Variants in NUP62 observed in about 807,000 individuals in gnomAD.
NUP62 encodes the protein nuclear pore glycoprotein p62.
For synonymous variants in NUP62, 305 were observed against 303.4 expected (o/e 1.01, Z -0.05); for missense variants, 647 against 689.4 (o/e 0.94, Z 0.69).
At chr19:49,914,346 G>C (rs1050227902) in intron 2 of NUP62, among the ~76,000 whole-genome samples, 3 of 152,168 alleles carry the variant, frequency 2.0e-5, no homozygotes, top group African/African-American at 7.2e-5. Context: ...GCATTTCCAG[G>C]GAAAGGAGGA....
At chr19:49,925,686 G>A (rs569102981) in intron 2 of NUP62, among the ~76,000 whole-genome samples, 76 of 152,280 alleles carry the variant, frequency 5.0e-4, no homozygotes, top group African/African-American at 1.8e-3. Flanking sequence ...GGAGCAGAAA[G>A]GGCATTAAGT....
intron 2 of NUP62, among the ~76,000 whole-genome samples, chr19:49,912,162 TCAC>T (rs956402304): frequency 1.4e-5 from 2 of 144,532 alleles, no homozygotes; most frequent in Non-Finnish European, 3.0e-5. Context: ...GCTTAACAGT[TCAC>T]CTTTTTTTTT....
intron 2 of NUP62, among the ~76,000 whole-genome samples, chr19:49,910,610 G>A (rs2075439220): frequency 2.0e-5 from 3 of 152,098 alleles, no homozygotes; most frequent in Admixed American, 1.3e-4. Flanking sequence ...TCCTTCACCT[G>A]TAGGTGTGGT....
Position 49,912,550 on chromosome 19 carries a change from T to C in NUP62, c.-77-2666A>G, listed in dbSNP as rs74763379. ...TCTATTCACAATGGTGAACCCATAC[T>C]GATCCAGCCCTGATCCACGCAGTTT... On this transcript the variant is annotated intron_variant, in intron 2 of 2. Coordinates refer to ENST00000352066, the MANE Select transcript of NUP62 (RefSeq NM_016553.5). Among the ~76,000 whole-genome samples the C allele has an allele frequency of 1.3e-3, 193 of 152,228 alleles. 1 individual carries two copies. Among genetic ancestry groups the C allele is most frequent in the African/African-American group, 4.4e-3 (184 of 41,552 alleles).
intron 2 of NUP62, among the ~76,000 whole-genome samples, chr19:49,916,798 G>A (rs952749111): frequency 1.3e-5 from 2 of 152,152 alleles, no homozygotes; most frequent in Non-Finnish European, 2.9e-5. Context: ...CTGGCATGGT[G>A]GCGTGTGCCT....
chr19:49,908,993 G>A lies in NUP62; in HGVS notation c.815C>T (p.Ser272Phe). Reference sequence around the variant, plus strand: ...GGTGGCGGTGGCGGTGGCAGCGGTGGATGTTGTTGTGGAGGTGCCGGAAGC... The same window carrying A: ...GGTGGCGGTGGCGGTGGCAGCGGTGAATGTTGTTGTGGAGGTGCCGGAAGC... Reference protein sequence around the residue: ...GAASGTSTTTSTAATATATTT... With the variant: ...GAASGTSTTTFTAATATATTT... Residue 272 changes from serine (S) to phenylalanine (F), a missense_variant, in exon 3 of 3, where the codon TCC becomes TTC. Physicochemically the swap from Ser to Phe is radical, Grantham distance 155. Coordinates refer to ENST00000352066, the MANE Select transcript of NUP62 (RefSeq NM_016553.5). 1 of 1,611,356 alleles carries A rather than the reference G, an allele frequency of 6.2e-7. No homozygotes were observed. Among genetic ancestry groups the A allele is most frequent in the South Asian group, 1.1e-5 (1 of 91,026 alleles).
At chr19:49,920,766 A>C (rs187047008) in intron 2 of NUP62, among the ~76,000 whole-genome samples, 276 of 152,340 alleles carry the variant, frequency 1.8e-3, no homozygotes, top group African/African-American at 6.2e-3. Context: ...GGCACAGGAC[A>C]TCAAGGCCTG....
intron 2 of NUP62, among the ~76,000 whole-genome samples, chr19:49,922,313 C>A (rs1463917506): frequency 2.0e-5 from 3 of 152,142 alleles, no homozygotes; most frequent in Non-Finnish European, 2.9e-5. Flanking sequence ...TGGCCTCTGG[C>A]TGGGGGCATG....
chr19:49,927,879 G>A (rs1444150818), intron 1 of NUP62, 64 bp from the exon 2 acceptor site: 1 of 152,298 alleles, frequency 6.6e-6, no homozygotes, highest in African/African-American at 2.4e-5. Context: ...GCATGAGAAG[G>A]GGCAAGATGG....
At chr19:49,927,004 T>G (rs2075910435) in intron 2 of NUP62, among the ~76,000 whole-genome samples, 1 of 151,902 alleles carries the variant, frequency 6.6e-6, no homozygotes, top group South Asian at 2.1e-4. Context: ...GGACCACAGG[T>G]GCAAACCACC....
chr19:49,909,994 G>A (rs2075422674), intron 2 of NUP62, 110 bp from the exon 3 acceptor site: 1 of 694,290 alleles, frequency 1.4e-6, no homozygotes, highest in South Asian at 1.6e-5. Flanking sequence ...AATGATGCAT[G>A]CTGTGTAACC....
In NUP62 at chr19:49,921,356, GCCA is replaced by G. The variant is rs1254840320; in HGVS notation, c.-78+6335_-78+6337del. ...ACATGGTCTTTTTTTGCTCCCCACT[GCCA>G]CCACCATCACCGTCCCCTGCCTCAT... On this transcript the variant is annotated intron_variant, in intron 2 of 2. Transcript: ENST00000352066. The surrounding 1 kb of genome is among the most constrained non-coding windows in gnomAD (Gnocchi z 5.4). 2.0e-5 allele frequency among the ~76,000 whole-genome samples: 3 copies of G among 151,852 alleles called. No individual in the cohort carries two copies. The highest frequency in any genetic ancestry group is 7.3e-5 in the African/African-American group (3 of 41,324).
At chr19:49,910,666 C>A (rs903419317) in intron 2 of NUP62, among the ~76,000 whole-genome samples, 6 of 148,858 alleles carry the variant, frequency 4.0e-5, no homozygotes, top group Admixed American at 2.7e-4. Context: ...TCTCAACCAT[C>A]TGCAGACACT....
chr19:49,913,640 T>C (rs1292668988), intron 2 of NUP62, among the ~76,000 whole-genome samples: 3 of 152,234 alleles, frequency 2.0e-5, no homozygotes, highest in Non-Finnish European at 2.9e-5. Context: ...GTGCCTGGTC[T>C]CCCTTGGGGC....
chr19:49,928,050 G>A (rs2075949391), intron 1 of NUP62: 1 of 152,302 alleles, frequency 6.6e-6, no homozygotes, highest in Non-Finnish European at 1.5e-5. Flanking sequence ...CCCTGCCAGG[G>A]GATGGGGCCT....
Position 49,909,284 on chromosome 19 carries a change from G to A in NUP62, c.524C>T (p.Ser175Leu). The A allele has an allele frequency of 6.2e-7, 1 of 1,614,156 alleles. No homozygotes were observed. The highest frequency in any genetic ancestry group is 8.5e-7 in the Non-Finnish European group (1 of 1,180,008). ...TAQPSGFNIG[S>L]AGNSAQPTAP... is the part of the protein sequence containing the mutation. Reference sequence around the variant, plus strand: ...CGTGGGCTGGGCTGAATTCCCTGCTGAGCCAATGTTGAAACCGGAGGGTTG... The same window carrying A: ...CGTGGGCTGGGCTGAATTCCCTGCTAAGCCAATGTTGAAACCGGAGGGTTG... The change falls in exon 3 of 3, where the codon TCA becomes TTA. Residue 175 changes from serine (S) to leucine (L), a missense_variant. Ser to Leu is a moderately radical substitution (Grantham distance 145). Transcript: ENST00000352066.
chr19:49,923,011 C>T (rs191888136), intron 2 of NUP62, among the ~76,000 whole-genome samples: 2 of 152,248 alleles, frequency 1.3e-5, no homozygotes, highest in East Asian at 3.9e-4. Context: ...GACCACTAAG[C>T]GGTGAGTGAT....
chr19:49,916,354 A>ATT (rs1182733064), intron 2 of NUP62, among the ~76,000 whole-genome samples: 104 of 131,980 alleles, frequency 7.9e-4, no homozygotes, highest in African/African-American at 2.0e-3. Context: ...TATCTTTTGT[A>ATT]TTTTTTTTTT....
chr19:49,908,936 G>T lies in NUP62; in HGVS notation c.872C>A (p.Ala291Asp). 6.2e-7 allele frequency: 1 copy of T among 1,608,632 alleles called. No homozygotes were observed. ...TTSSSSTTGFALNLKPLAPAG... is the reference protein window; with the variant it reads ...TTSSSSTTGFDLNLKPLAPAG... ...TGGCGCCAGTGGTTTTAAATTCAAG[G>T]CAAAGCCGGTGGTGCTGCTGCTGCT... is the stretch of plus-strand genomic sequence containing the variant. The change falls in exon 3 of 3, where the codon GCC becomes GAC. Residue 291 changes from alanine (A) to aspartate (D), a missense_variant. By Grantham distance (126) the Ala-to-Asp change is moderately radical. Coordinates refer to ENST00000352066, the MANE Select transcript of NUP62 (RefSeq NM_016553.5).
Sources: allele counts gnomAD v4.1 joint callset (sites outside exome capture counted in the v4.1 genomes callset), GRCh38; gene constraint gnomAD v4.1.1; non-coding constraint Gnocchi (gnomAD v3.1); transcripts MANE v1.5; gene names NCBI Gene and HGNC (gene_info 2026-07-23, HGNC 2026-07-21).